Variants in ATP8B4 observed in about 807,000 individuals in gnomAD.
ATP8B4 encodes probable phospholipid-transporting ATPase IM.
A neutral mutation model predicts 145.6 loss-of-function variants in ATP8B4; 133 were observed. The ratio of observed to expected loss-of-function variants is 0.91; its 90% CI spans 0.79 to 1.05. The LOEUF is 1.05. Ranked by LOEUF, ATP8B4 falls within the 50% of genes least tolerant of loss-of-function variation. The pLI is 0.00. For synonymous variants in ATP8B4, 507 were observed against 492.9 expected, an observed-to-expected ratio of 1.03 and a Z score of -0.38; for missense variants, 1,458 against 1,425.2, an observed-to-expected ratio of 1.02 and a Z score of -0.37.
intron 16 of ATP8B4, among the ~76,000 whole-genome samples, chr15:49,926,429 C>G (rs1383372321): frequency 2.0e-5 from 3 of 152,102 alleles, no homozygotes; most frequent in East Asian, 3.9e-4. Context: ...TCACTTTAAC[C>G]TAACTGGTTT....
chr15:49,915,893 T>C (rs1204986451), intron 20 of ATP8B4, among the ~76,000 whole-genome samples: 1 of 151,724 alleles, frequency 6.6e-6, no homozygotes, highest in Admixed American at 6.6e-5. Context: ...CGTGTACAAG[T>C]ACCATCAAGT....
chr15:49,945,036 A>T (rs1283757571), intron 14 of ATP8B4, among the ~76,000 whole-genome samples: 2 of 152,224 alleles, frequency 1.3e-5, no homozygotes, highest in African/African-American at 4.8e-5. Context: ...ACCTCATGGC[A>T]TATAGCAAAA....
upstream of ATP8B4, chr15:50,119,537 A>G (rs1260987632): frequency 6.6e-6 from 1 of 152,184 alleles, no homozygotes; most frequent in Non-Finnish European, 1.5e-5. Context: ...TTGGGGAAAC[A>G]AAAGGAAACT....
At chr15:50,173,465 T>A (rs141642617) in intron 1 of ATP8B4, among the ~76,000 whole-genome samples, 13,549 of 151,858 alleles carry the variant, frequency 0.089, 796 homozygotes, top group African/African-American at 0.16. Context: ...CGGTGCAAGA[T>A]GTGCTTTGTT....
intron 14 of ATP8B4, among the ~76,000 whole-genome samples, chr15:49,948,484 A>G (rs1274328144): frequency 6.6e-6 from 1 of 152,144 alleles, no homozygotes; most frequent in Non-Finnish European, 1.5e-5. Context: ...AATAATCAAC[A>G]GAGTGAAAAG....
intron 7 of ATP8B4, among the ~76,000 whole-genome samples, 178 bp downstream of exon 7, chr15:50,010,667 T>C (rs16963207): frequency 0.082 from 12,478 of 152,174 alleles, 710 homozygotes; most frequent in East Asian, 0.29. Flanking sequence ...TGCCAAGTTA[T>C]TGAAACTAAT....
At chr15:50,010,969 T>A (rs1455514898) in intron 6 of ATP8B4, 52 bp from the exon 7 acceptor site, 3 of 1,267,068 alleles carry the variant, frequency 2.4e-6, no homozygotes, top group Admixed American at 5.0e-5. Context: ...ATTGAAAGTA[T>A]AACCAAGGGA....
chr15:49,953,866 G>T (rs1293089288), intron 14 of ATP8B4, among the ~76,000 whole-genome samples: 2 of 152,170 alleles, frequency 1.3e-5, no homozygotes, highest in Non-Finnish European at 2.9e-5. Flanking sequence ...TGTGGAAAAA[G>T]CACAGTTTCC....
chr15:50,001,877 GC>G (rs2047918982), intron 8 of ATP8B4, among the ~76,000 whole-genome samples: 1 of 151,884 alleles, frequency 6.6e-6, no homozygotes, highest in Non-Finnish European at 1.5e-5. Flanking sequence ...ATCAAAACAA[GC>G]AAAAACTTTT....
At chr15:50,027,271 C>A (rs2050075240) in intron 6 of ATP8B4, among the ~76,000 whole-genome samples, 1 of 152,190 alleles carries the variant, frequency 6.6e-6, no homozygotes, top group Non-Finnish European at 1.5e-5. Context: ...TTCCCCTAGA[C>A]CCCAGACTCC....
chr15:50,181,380 A>C (rs1161759243), intron 1 of ATP8B4, among the ~76,000 whole-genome samples: 1 of 152,236 alleles, frequency 6.6e-6, no homozygotes, highest in Admixed American at 6.5e-5. Flanking sequence ...GAGTCATGCC[A>C]ATACCACTTA....
chr15:50,052,601 T>C (rs568142291), intron 3 of ATP8B4, among the ~76,000 whole-genome samples: 1 of 152,300 alleles, frequency 6.6e-6, no homozygotes, highest in Admixed American at 6.5e-5. Flanking sequence ...AATGACTTCA[T>C]CTCACATGTG....
intron 16 of ATP8B4, among the ~76,000 whole-genome samples, chr15:49,929,501 C>T (rs1378788185): frequency 2.6e-5 from 4 of 152,008 alleles, no homozygotes; most frequent in African/African-American, 9.7e-5. Context: ...CAGGACATAA[C>T]GGAAGCTGAA....
intron 24 of ATP8B4, 197 bp from the exon 25 acceptor site, chr15:49,876,720 A>T (rs1454515822): frequency 1.2e-6 from 1 of 833,908 alleles, no homozygotes; most frequent in Non-Finnish European, 2.0e-6. Context: ...TACTTTACAG[A>T]GAAGGAGCTT....
chr15:49,908,031 G>T, intron 20 of ATP8B4: 1 of 455,980 alleles, frequency 2.2e-6, no homozygotes, highest in Non-Finnish European at 4.4e-6. Flanking sequence ...GACTACTTTG[G>T]GCAAGTTACT....
chr15:49,899,290 C>A (rs1177071134), intron 21 of ATP8B4, among the ~76,000 whole-genome samples: 1 of 152,168 alleles, frequency 6.6e-6, no homozygotes, highest in Non-Finnish European at 1.5e-5. Context: ...ATTTGTCTCC[C>A]TCTGTGCTCT....
In ATP8B4 at chr15:49,956,467, TA is replaced by T. The variant is rs2043570203; in HGVS notation, c.1287+5509del. On this transcript the variant is annotated intron_variant, in intron 14 of 27. Coordinates refer to ENST00000284509, the MANE Select transcript of ATP8B4 (RefSeq NM_024837.4). ...AATAAACACTGGCCTTGGACTTCCC[TA>T]AAACCATCCAGAGAAGAAACTGGCC... Among the ~76,000 whole-genome samples the T allele has an allele frequency of 1.3e-5, 2 of 152,214 alleles. 1 individual carries two copies. Among genetic ancestry groups the T allele is most frequent in the Non-Finnish European group, 2.9e-5 (2 of 68,034 alleles).
In ATP8B4 at chr15:50,162,127, G is replaced by T. The variant is rs149019322; in HGVS notation, c.-43+20134C>A. On this transcript the variant is annotated intron_variant, in intron 1 of 3. Transcript: ENST00000558829. ...CTATAAAGTTTCCACTGAAAAGTCT[G>T]CTACCAGATGTATTGGAGCTTTCTT... Among the ~76,000 whole-genome samples the T allele has an allele frequency of 1.7e-3, 265 of 152,134 alleles. 1 individual carries two copies. Among genetic ancestry groups the T allele is most frequent in the Admixed American group, 0.016 (247 of 15,280 alleles).
intron 14 of ATP8B4, among the ~76,000 whole-genome samples, chr15:49,934,466 C>CAA (rs140833341): frequency 1.7e-4 from 26 of 151,940 alleles, no homozygotes; most frequent in African/African-American, 6.3e-4. Flanking sequence ...CTTCAAAATA[C>CAA]AAAAAACCAC....
Sources: gnomAD v4.1 joint callset for allele counts (sites outside exome capture counted in the v4.1 genomes callset) on GRCh38, gnomAD v4.1.1 for gene constraint, MANE v1.5 for transcripts, NCBI Gene and HGNC (gene_info 2026-07-23, HGNC 2026-07-21) for gene names.